Variants in ITGA1 observed in about 807,000 individuals in gnomAD.
ITGA1 encodes the protein integrin alpha-1.
ITGA1 carries 85 observed loss-of-function variants against 145.9 expected under a neutral mutation model. The observed-to-expected ratio is 0.58, with a 90% CI of 0.49 to 0.70. ITGA1 has a LOEUF of 0.70. ITGA1 is among the 30% of genes least tolerant of loss of function. The pLI, the probability that ITGA1 is intolerant of heterozygous loss-of-function variation, is 0.00. For synonymous variants in ITGA1, 520 were observed against 495.3 expected, an observed-to-expected ratio of 1.05 and a Z score of -0.66; for missense variants, 1,351 against 1,418.7, an observed-to-expected ratio of 0.95 and a Z score of 0.77.
chr5:52,944,011 C>T (rs1451086367), intron 26 of ITGA1, among the ~76,000 whole-genome samples: 1 of 152,178 alleles, frequency 6.6e-6, no homozygotes, highest in Non-Finnish European at 1.5e-5. Flanking sequence ...GGCAGGGACT[C>T]TGGGAGGGTC....
intron 2 of ITGA1, among the ~76,000 whole-genome samples, chr5:52,858,741 A>C (rs1449180540): frequency 6.6e-6 from 1 of 152,210 alleles, no homozygotes; most frequent in Non-Finnish European, 1.5e-5. Flanking sequence ...ATTCCTGATT[A>C]ATCTTTCAAC....
chr5:52,842,085 T>A (rs1749262772), intron 1 of ITGA1, among the ~76,000 whole-genome samples: 1 of 152,186 alleles, frequency 6.6e-6, no homozygotes, highest in Non-Finnish European at 1.5e-5. Flanking sequence ...ACCCTGTCCT[T>A]GTAATAGACT....
Position 52,945,013 on chromosome 5 carries a change from G to C in ITGA1, c.3356G>C (p.Ser1119Thr), listed in dbSNP as rs1182086962. Residue 1119 changes from serine to threonine, a missense_variant, in exon 27 of 29, where the codon AGT (serine) becomes ACT (threonine). Physicochemically the swap from Ser to Thr is moderately conservative, Grantham distance 58 (BLOSUM62 1). Coordinates refer to ENST00000282588, the MANE Select transcript of ITGA1 (RefSeq NM_181501.2). ...AGTGAAAATGCATCTCTGGTTTTAAGTAGCAGCAATCAAAAAAGAGAGGTA... is the reference window on the plus strand; with the variant it reads ...AGTGAAAATGCATCTCTGGTTTTAACTAGCAGCAATCAAAAAAGAGAGGTA... Reference protein sequence around the residue: ...LRSENASLVLSSSNQKRELAI... With the variant: ...LRSENASLVLTSSNQKRELAI... The C allele has an allele frequency of 6.2e-7, 1 of 1,612,866 alleles. No individual in the cohort carries two copies. Among genetic ancestry groups the C allele is most frequent in the Admixed American group, 1.7e-5 (1 of 60,014 alleles).
Position 52,842,387 on chromosome 5 carries a change from T to C in ITGA1, c.62-6978T>C, listed in dbSNP as rs373750749. 1.1e-4 allele frequency among the ~76,000 whole-genome samples: 16 copies of C among 152,296 alleles called. No homozygotes were observed. The East Asian group carries it at 2.1e-3, about 20-fold the overall frequency. ...TTTGCTATGAAAATAAGTCCATGAA[T>C]CTGCTGTCTCATCCCCACTGATGTA... On this transcript the variant is annotated intron_variant, in intron 1 of 28. Transcript: ENST00000282588.
intron 1 of ITGA1, among the ~76,000 whole-genome samples, chr5:52,822,913 G>T (rs1283292042): frequency 6.6e-6 from 1 of 152,138 alleles, no homozygotes; most frequent in Non-Finnish European, 1.5e-5. Context: ...TATTTCAACT[G>T]CTTGGGCATC....
rs528956396 is a variant in ITGA1 at position 52,918,766 on chromosome 5, A to G, written c.2023A>G (p.Asn675Asp). The G allele has an allele frequency of 2.2e-5, 36 of 1,612,174 alleles. No individual in the cohort carries two copies. The Admixed American group carries it at 2.8e-4, about 13-fold the overall frequency. ...TGTGGCCGTAGTTAAAGTGACCATG[A>G]ATTTTGAGCCAAATAAAGTGAATAT... The part of the protein sequence containing the change: ...RDVAVVKVTM[N>D]FEPNKVNIQK... The change falls in exon 16 of 29, where the codon AAT (asparagine) becomes GAT (aspartate). Residue 675 changes from asparagine (N) to aspartate (D), a missense_variant. Asn to Asp is a conservative substitution (Grantham distance 23). Coordinates refer to ENST00000282588, the MANE Select transcript of ITGA1 (RefSeq NM_181501.2).
rs1481188011 is a variant in ITGA1, at chr5:52,937,492, C to T, written c.3056C>T (p.Pro1019Leu). Residue 1019 changes from proline to leucine, a missense_variant, in exon 24 of 29, where the codon CCA (proline) becomes CTA (leucine). Pro to Leu is a moderately conservative substitution (Grantham distance 98). Transcript: ENST00000282588. ...MTSNGYPVLY[P>L]TGLSSSENAN... ...TCAAATGGTTACCCTGTGCTGTACC[C>T]AACTGGATTGTCATCTTCTGAGGTA... 6.2e-7 allele frequency: 1 copy of T among 1,608,178 alleles called. No individual in the cohort carries two copies. The highest frequency in any genetic ancestry group is 1.7e-5 in the Admixed American group (1 of 59,986).
In ITGA1 at chr5:52,893,792, C is replaced by G. The variant is rs763020985; in HGVS notation, c.1042C>G (p.Leu348Val). The G allele has an allele frequency of 1.2e-6, 2 of 1,612,692 alleles. No homozygotes were observed. Among genetic ancestry groups the G allele is most frequent in the Non-Finnish European group, 1.7e-6 (2 of 1,178,956 alleles). ...HFFNVSDELALVTIVKTLGER... is the reference protein window; with the variant it reads ...HFFNVSDELAVVTIVKTLGER... ...CTTCAATGTCTCTGATGAATTGGCT[C>G]TAGTCACCATTGTTAAAACTCTGGG... Residue 348 changes from leucine to valine, a missense_variant, in exon 9 of 29, where the codon CTA (leucine) becomes GTA (valine). Physicochemically the swap from Leu to Val is conservative, Grantham distance 32. Coordinates refer to ENST00000282588, the MANE Select transcript of ITGA1 (RefSeq NM_181501.2).
chr5:52,858,728 T>G (rs1307146026), intron 2 of ITGA1, among the ~76,000 whole-genome samples: 1 of 152,184 alleles, frequency 6.6e-6, no homozygotes, highest in Non-Finnish European at 1.5e-5. Context: ...ATATTCTTGA[T>G]GTATTCCTGA....
At position 52,910,322 on chromosome 5, in the gene ITGA1, A is replaced by C. The variant is rs746944364; in HGVS notation, c.1760A>C (p.Asn587Thr). Residue 587 changes from asparagine (N) to threonine (T), a missense_variant, in exon 14 of 29, where the codon AAT (asparagine) becomes ACT (threonine). By Grantham distance (65) the Asn-to-Thr change is moderately conservative (BLOSUM62 0). Coordinates refer to ENST00000282588, the MANE Select transcript of ITGA1 (RefSeq NM_181501.2). ...AVKDLNLDGF[N>T]DIVIGAPLED... ...AAAGACCTCAATCTTGATGGATTTA[A>C]TGACATCGTGATAGGAGCTCCGCTG... 4 of 1,613,882 alleles carry C rather than the reference A, an allele frequency of 2.5e-6. No homozygotes were observed. In the Admixed American group the frequency reaches 5.0e-5, roughly 20 times the overall value.
chr5:52,918,686 A>G, intron 15 of ITGA1, 46 bp from the exon 16 acceptor site: 13 of 1,572,600 alleles, frequency 8.3e-6, no homozygotes, highest in African/African-American at 1.4e-5. Flanking sequence ...GATGACATTC[A>G]TTAAATGTAA....
intron 23 of ITGA1, among the ~76,000 whole-genome samples, chr5:52,934,740 A>G (rs1165189692): frequency 6.6e-6 from 1 of 151,972 alleles, no homozygotes; most frequent in Non-Finnish European, 1.5e-5. Flanking sequence ...CAAAAATATG[A>G]GATAATGCAA....
chr5:52,814,518 A>G (rs1476389014), intron 1 of ITGA1, among the ~76,000 whole-genome samples: 1 of 152,220 alleles, frequency 6.6e-6, no homozygotes, highest in Admixed American at 6.5e-5. Flanking sequence ...TTCAGGCTTC[A>G]TATCTGCTTA....
intron 1 of ITGA1, among the ~76,000 whole-genome samples, chr5:52,834,890 A>T (rs1261682972): frequency 6.6e-6 from 1 of 152,142 alleles, no homozygotes; most frequent in Non-Finnish European, 1.5e-5. Context: ...TATGAATCTC[A>T]GGGGACACAA....
At chr5:52,841,354 G>A (rs1749251419) in intron 1 of ITGA1, among the ~76,000 whole-genome samples, 1 of 152,038 alleles carries the variant, frequency 6.6e-6, no homozygotes, top group Non-Finnish European at 1.5e-5. Context: ...GTACTCATTG[G>A]CCAAGGCCCT....
chr5:52,787,954 A>C lies in ITGA1; in HGVS notation c.-400A>C, dbSNP rs1304947107. ...CCACCTTAGGGGATTTGGCCCGGAGAACGAGATCACCCTCTCAATGAAAGG... is the reference window on the plus strand; with the variant it reads ...CCACCTTAGGGGATTTGGCCCGGAGCACGAGATCACCCTCTCAATGAAAGG... On this transcript the variant is annotated 5_prime_UTR_variant, in exon 1 of 29. Coordinates refer to ENST00000282588, the MANE Select transcript of ITGA1 (RefSeq NM_181501.2). The C allele has an allele frequency of 5.8e-6, 1 of 172,958 alleles. No individual in the cohort carries two copies. The highest frequency in any genetic ancestry group is 1.9e-4 in the South Asian group (1 of 5,264). 10.7% of individuals were successfully genotyped at this position (172,958 alleles called of 1,614,324 possible). A position where few individuals can be genotyped will look rare whatever the true frequency, so the allele number is the denominator to read the frequency against.
intron 28 of ITGA1, among the ~76,000 whole-genome samples, chr5:52,950,635 C>T (rs1173573425): frequency 6.6e-6 from 1 of 152,188 alleles, no homozygotes; most frequent in African/African-American, 2.4e-5. Flanking sequence ...AAACTATTTT[C>T]TCCTAATCTC....
chr5:52,897,407 T>A lies in ITGA1; in HGVS notation c.1091-48T>A, dbSNP rs1251789348. On this transcript the variant is annotated intron_variant, in intron 9 of 28. Coordinates refer to ENST00000282588, the MANE Select transcript of ITGA1 (RefSeq NM_181501.2). ...CTGTATTCTGCAAGTCAGTAGTGCA[T>A]GAAAAGGCATTGTTACTTATTTACA... The A allele has an allele frequency of 3.8e-6, 5 of 1,307,828 alleles. No homozygotes were observed. The East Asian group carries it at 6.9e-5, about 18-fold the overall frequency. 81.0% of individuals were successfully genotyped at this position (1,307,828 alleles called of 1,614,324 possible).
chr5:52,928,254 A>G (rs900325822), intron 20 of ITGA1, among the ~76,000 whole-genome samples: 45 of 152,208 alleles, frequency 3.0e-4, no homozygotes, highest in African/African-American at 1.1e-3. Flanking sequence ...TCTAATTTAT[A>G]CTACATAACA....
Sources: allele counts gnomAD v4.1 joint callset (sites outside exome capture counted in the v4.1 genomes callset), GRCh38; gene constraint gnomAD v4.1.1; transcripts MANE v1.5; gene names NCBI Gene and HGNC (gene_info 2026-07-23, HGNC 2026-07-21).